NGEF: variants seen among roughly 807,000 people sequenced by gnomAD.
NGEF encodes ephexin-1.
A neutral mutation model predicts 80.9 loss-of-function variants in NGEF; 31 were observed. The ratio of observed to expected loss-of-function variants is 0.38; its 90% CI spans 0.29 to 0.52. The LOEUF is 0.52. NGEF is among the 20% of genes least tolerant of loss of function. NGEF has a pLI of 0.84. For missense variants in NGEF, 709 were observed against 926.2 expected (o/e 0.77, Z 3.04); for synonymous variants, 371 against 370.2 (o/e 1.00, Z -0.03).
chr2:233,005,557 TC>T lies in NGEF; in HGVS notation c.-75+7510del, dbSNP rs200428116. ...GATTACTCAGGTGGATGCAGTATATTCACAAGGCTCCTTATAAGAGGAAGGC... is the reference window on the plus strand; with the variant it reads ...GATTACTCAGGTGGATGCAGTATATTACAAGGCTCCTTATAAGAGGAAGGC... On this transcript the variant is annotated intron_variant, in intron 1 of 14. Transcript: ENST00000264051. 9.0e-3 allele frequency among the ~76,000 whole-genome samples: 1,366 copies of T among 152,314 alleles called. 15 individuals are homozygous for T. Among genetic ancestry groups the T allele is most frequent in the African/African-American group, 0.024 (1,011 of 41,576 alleles).
chr2:232,940,119 C>T (rs1274817834), intron 3 of NGEF, among the ~76,000 whole-genome samples: 1 of 152,094 alleles, frequency 6.6e-6, no homozygotes, highest in African/African-American at 2.4e-5. Context: ...GTTTCTGGGT[C>T]CTTGACTTTG....
At chr2:232,976,267 C>T (rs749398973) in intron 1 of NGEF, among the ~76,000 whole-genome samples, 6 of 152,266 alleles carry the variant, frequency 3.9e-5, no homozygotes, top group Middle Eastern at 3.4e-3. Context: ...CAGTGTTCTA[C>T]GATTCATCAG....
chr2:232,884,060 G>A lies in NGEF; in HGVS notation c.1522C>T (p.Leu508=). The change falls in exon 11 of 15, where the codon CTG becomes TTG. Residue 508 remains leucine (L), a synonymous_variant. Coordinates refer to ENST00000264051, the MANE Select transcript of NGEF (RefSeq NM_019850.3). ...TCGTGGAAGAGCTTCTTGGTCCTCA[G>A]GGTCCGGGAGGTCTTGGGGCCTGAC... ...QMSGPKTSRT[L]RTKKLFHEIY... is the part of the protein sequence containing the mutation. The A allele has an allele frequency of 6.2e-7, 1 of 1,613,068 alleles. No individual in the cohort carries two copies. Among genetic ancestry groups the A allele is most frequent in the Non-Finnish European group, 8.5e-7 (1 of 1,179,722 alleles).
rs1691526678 is a variant in NGEF, at chr2:232,882,229, G to A, written c.1794C>T (p.Pro598=). The A allele has an allele frequency of 6.2e-7, 1 of 1,613,672 alleles. No individual in the cohort carries two copies. The highest frequency in any genetic ancestry group is 8.5e-7 in the Non-Finnish European group (1 of 1,179,916). ...ACGAAACAAACTTGGTCCTCCTGTT[G>A]GGGGCCAGTGAGGTCATCCAACGCT... ...EMKRWMTSLA[P]NRRTKFVSFT... Residue 598 remains proline (P), a synonymous_variant, in exon 13 of 15, where the codon CCC becomes CCT. Transcript: ENST00000264051.
intron 2 of NGEF, among the ~76,000 whole-genome samples, chr2:232,972,017 G>A (rs1694205207): frequency 6.6e-6 from 1 of 152,180 alleles, no homozygotes; most frequent in Non-Finnish European, 1.5e-5. Context: ...TGACTATTAT[G>A]CACTTGAAAT....
At chr2:232,927,481 T>A (rs1335719413) in intron 3 of NGEF, among the ~76,000 whole-genome samples, 1 of 152,076 alleles carries the variant, frequency 6.6e-6, no homozygotes, top group Non-Finnish European at 1.5e-5. Context: ...CCGTGCCCAC[T>A]CTCCGGCGCC....
intron 1 of NGEF, among the ~76,000 whole-genome samples, chr2:233,002,876 CT>C: frequency 6.6e-6 from 1 of 152,280 alleles, no homozygotes; most frequent in East Asian, 1.9e-4. Context: ...TTGGGTTTAC[CT>C]GGAGGCCTGG....
chr2:232,903,467 T>C (rs1414697626), intron 5 of NGEF, among the ~76,000 whole-genome samples: 4 of 151,960 alleles, frequency 2.6e-5, no homozygotes, highest in Admixed American at 2.6e-4. Context: ...CACACCTGAA[T>C]ATGTGTCTGA....
At chr2:232,927,518 G>A (rs1559211821) in intron 3 of NGEF, among the ~76,000 whole-genome samples, 1 of 152,162 alleles carries the variant, frequency 6.6e-6, no homozygotes, top group Non-Finnish European at 1.5e-5. Flanking sequence ...GGGTCCCGCG[G>A]CCAGGAAGCC....
At chr2:232,900,007 G>C (rs1388601799) in intron 5 of NGEF, among the ~76,000 whole-genome samples, 1 of 102,826 alleles carries the variant, frequency 9.7e-6, no homozygotes. Flanking sequence ...CGCTCTCACA[G>C]TCACTCATAT....
intron 3 of NGEF, among the ~76,000 whole-genome samples, chr2:232,956,802 A>G (rs988412284): frequency 3.4e-5 from 5 of 147,636 alleles, no homozygotes; most frequent in Non-Finnish European, 5.9e-5. Flanking sequence ...AAAAAAAAAA[A>G]AAAAAATTAG....
At chr2:232,913,336 G>A (rs1338361319) in intron 5 of NGEF, among the ~76,000 whole-genome samples, 1 of 152,176 alleles carries the variant, frequency 6.6e-6, no homozygotes, top group Non-Finnish European at 1.5e-5. Context: ...TTCCATTAGG[G>A]TCAGAGAACA....
intron 1 of NGEF, among the ~76,000 whole-genome samples, chr2:232,988,821 T>A (rs767240182): frequency 8.6e-5 from 13 of 151,966 alleles, no homozygotes; most frequent in Admixed American, 6.6e-5. Flanking sequence ...ATGATGCAGT[T>A]GTAAAAGCAA....
chr2:233,005,510 T>C (rs966932456), intron 1 of NGEF, among the ~76,000 whole-genome samples: 20 of 152,228 alleles, frequency 1.3e-4, no homozygotes, highest in African/African-American at 4.8e-4. Context: ...GTTCAGCATC[T>C]TGAGATGGGG....
chr2:232,952,947 G>C (rs1398692371), intron 3 of NGEF, among the ~76,000 whole-genome samples: 1 of 107,284 alleles, frequency 9.3e-6, no homozygotes. Flanking sequence ...CAACAAGAGT[G>C]CAGACAAGAG....
chr2:232,995,568 CTGTATA>C lies in NGEF; in HGVS notation c.-75+17494_-75+17499del, dbSNP rs1241391376. 2.5e-3 allele frequency among the ~76,000 whole-genome samples: 13 copies of C among 5,180 alleles called. 1 individual carries two copies. The highest frequency in any genetic ancestry group is 0.016 in the African/African-American group (13 of 810). The allele number at this position is 5,180 out of a possible 152,430, so 3.4% of individuals were successfully genotyped here. On this transcript the variant is annotated intron_variant, in intron 1 of 14. Coordinates refer to ENST00000264051, the MANE Select transcript of NGEF (RefSeq NM_019850.3). The stretch of plus-strand genomic sequence containing the variant: ...ATGTATACTATATACAGTATGTATA[CTGTATA>C]TATATATACAGTATGTATACTGTAT...
In NGEF at chr2:232,879,464, C is replaced by T; in HGVS notation, c.*25G>A. The T allele has an allele frequency of 6.4e-7, 1 of 1,555,300 alleles. No individual in the cohort carries two copies. The highest frequency in any genetic ancestry group is 8.8e-7 in the Non-Finnish European group (1 of 1,135,652). On this transcript the variant is annotated 3_prime_UTR_variant, in exon 15 of 15. Coordinates refer to ENST00000264051, the MANE Select transcript of NGEF (RefSeq NM_019850.3). The stretch of plus-strand genomic sequence containing the variant: ...CTGTCGGGGTCTCATGCAGGCCCTG[C>T]TCCCGCTGGCCCCCTGGGTGGGGGT...
At chr2:232,926,855 C>T (rs1282354325) in intron 4 of NGEF, among the ~76,000 whole-genome samples, 189 bp downstream of exon 4, 2 of 152,220 alleles carry the variant, frequency 1.3e-5, no homozygotes, top group African/African-American at 4.8e-5. Context: ...ACTTGTGCAG[C>T]GCTATTAAAA....
intron 1 of NGEF, among the ~76,000 whole-genome samples, chr2:233,003,343 C>T (rs1032685490): frequency 2.6e-5 from 4 of 152,316 alleles, no homozygotes; most frequent in Admixed American, 2.0e-4. Context: ...CCTCTGATGT[C>T]GATCCCAGCC....
Sources: gnomAD v4.1 joint callset for allele counts (sites outside exome capture counted in the v4.1 genomes callset) on GRCh38, gnomAD v4.1.1 for gene constraint, MANE v1.5 for transcripts, NCBI Gene and HGNC (gene_info 2026-07-23, HGNC 2026-07-21) for gene names.